Variants in SYNJ1 observed in about 807,000 individuals in gnomAD.
The protein encoded by SYNJ1 is polyphosphatidylinositol phosphatase SYNJ1.
A neutral mutation model predicts 168.2 loss-of-function variants in SYNJ1; 78 were observed. The observed-to-expected ratio is 0.46, with a 90% CI of 0.39 to 0.56. The LOEUF (loss-of-function observed/expected upper bound fraction) is 0.56. Among genes scored for constraint, SYNJ1 ranks in the 20% least tolerant of loss-of-function variants. The pLI, the probability that SYNJ1 is intolerant of heterozygous loss-of-function variation, is 0.00. For missense variants in SYNJ1, 1,303 were observed against 1,597.6 expected, an observed-to-expected ratio of 0.82 and a Z score of 3.14; for synonymous variants, 539 against 548.6, an observed-to-expected ratio of 0.98 and a Z score of 0.24.
At chr21:32,696,502 T>C (rs980695038) in intron 4 of SYNJ1, among the ~76,000 whole-genome samples, 5 of 152,128 alleles carry the variant, frequency 3.3e-5, no homozygotes, top group Non-Finnish European at 5.9e-5. Context: ...ACAGAACATA[T>C]AAAGAAGCTA....
At chr21:32,662,902 C>A (rs548568613) in intron 18 of SYNJ1, among the ~76,000 whole-genome samples, 6 of 152,192 alleles carry the variant, frequency 3.9e-5, no homozygotes, top group African/African-American at 1.4e-4. Flanking sequence ...AAAAGGGGAG[C>A]GTGTGACCTT....
chr21:32,704,271 C>T (rs923506336), intron 2 of SYNJ1, among the ~76,000 whole-genome samples: 2 of 152,158 alleles, frequency 1.3e-5, no homozygotes, highest in Non-Finnish European at 2.9e-5. Flanking sequence ...TTCGGACACT[C>T]AGGAAACAGG....
intron 2 of SYNJ1, among the ~76,000 whole-genome samples, chr21:32,710,463 A>T (rs2042786860): frequency 6.6e-6 from 1 of 152,198 alleles, no homozygotes; most frequent in African/African-American, 2.4e-5. Flanking sequence ...GGGATCAGAG[A>T]AGAACTTTTC....
chr21:32,642,279 G>T, intron 27 of SYNJ1, 146 bp from the exon 28 acceptor site: 1 of 807,090 alleles, frequency 1.2e-6, no homozygotes, highest in Non-Finnish European at 2.0e-6. Context: ...TTTGTATAAT[G>T]ATGAAGGGTA....
At chr21:32,657,689 T>C in intron 19 of SYNJ1, 27 bp downstream of exon 19, 4 of 1,568,028 alleles carry the variant, frequency 2.6e-6, no homozygotes, top group Non-Finnish European at 3.4e-6. Flanking sequence ...CATTAGTTCA[T>C]TTAAATAAAG....
chr21:32,639,549 C>T, intron 30 of SYNJ1, 122 bp downstream of exon 30: 2 of 745,014 alleles, frequency 2.7e-6, no homozygotes, highest in East Asian at 2.7e-5. Context: ...GTGCCATCAC[C>T]CCTGGCTAAT....
intron 2 of SYNJ1, among the ~76,000 whole-genome samples, chr21:32,720,964 T>C (rs2043198134): frequency 6.6e-6 from 1 of 152,260 alleles, no homozygotes. Context: ...GACTGACAGC[T>C]TGTCCTTCTC....
intron 13 of SYNJ1, among the ~76,000 whole-genome samples, chr21:32,675,218 C>CG (rs1569077531): frequency 3.3e-5 from 5 of 152,070 alleles, no homozygotes; most frequent in African/African-American, 1.2e-4. Context: ...AATAATTACA[C>CG]GGCTTAAAAT....
intron 31 of SYNJ1, among the ~76,000 whole-genome samples, chr21:32,636,808 A>C (rs898051917): frequency 1.3e-5 from 2 of 151,972 alleles, no homozygotes; most frequent in Non-Finnish European, 2.9e-5. Flanking sequence ...CAAGAAAGAA[A>C]AGTGTGTCTG....
chr21:32,644,313 A>G (rs2039972711), intron 26 of SYNJ1, among the ~76,000 whole-genome samples: 1 of 152,174 alleles, frequency 6.6e-6, no homozygotes, highest in Admixed American at 6.5e-5. Context: ...ACACACAGGC[A>G]AAGTCAGTCT....
intron 27 of SYNJ1, 122 bp downstream of exon 27, chr21:32,643,288 G>A (rs985305917): frequency 9.9e-7 from 1 of 1,006,052 alleles, no homozygotes; most frequent in African/African-American, 1.6e-5. Flanking sequence ...GGAAAGAGAA[G>A]TTTACAGCTG....
chr21:32,687,531 A>G (rs1474106684), intron 7 of SYNJ1, among the ~76,000 whole-genome samples: 1 of 152,232 alleles, frequency 6.6e-6, no homozygotes, highest in Non-Finnish European at 1.5e-5. Flanking sequence ...GCTTCTAACC[A>G]TTCCAGAAAC....
At chr21:32,713,122 G>A in intron 2 of SYNJ1, among the ~76,000 whole-genome samples, 1 of 152,150 alleles carries the variant, frequency 6.6e-6, no homozygotes. Flanking sequence ...CAACATGGAT[G>A]ATTTCCCATA....
At chr21:32,721,809 T>C (rs371892746) in intron 2 of SYNJ1, among the ~76,000 whole-genome samples, 2 of 152,242 alleles carry the variant, frequency 1.3e-5, no homozygotes, top group African/African-American at 2.4e-5. Context: ...TTATTTCCAA[T>C]AGGATTTGTC....
chr21:32,711,530 C>A (rs1025188318), intron 2 of SYNJ1, among the ~76,000 whole-genome samples: 1 of 152,070 alleles, frequency 6.6e-6, no homozygotes, highest in African/African-American at 2.4e-5. Context: ...ACGGGTTTCA[C>A]CATGTTGGCC....
chr21:32,643,004 T>C (rs888306817), intron 27 of SYNJ1, among the ~76,000 whole-genome samples: 1 of 152,232 alleles, frequency 6.6e-6, no homozygotes, highest in African/African-American at 2.4e-5. Flanking sequence ...CAAAATACTA[T>C]ATTCTTGGAT....
intron 2 of SYNJ1, among the ~76,000 whole-genome samples, chr21:32,718,953 C>T (rs1344430603): frequency 6.6e-6 from 1 of 152,066 alleles, no homozygotes; most frequent in African/African-American, 2.4e-5. Context: ...AATAGCCACA[C>T]AATATATGGT....
chr21:32,656,376 T>C lies in SYNJ1; in HGVS notation c.2795+311A>G, dbSNP rs537472396. Among the ~76,000 whole-genome samples, 7 of 152,208 alleles carry C rather than the reference T, an allele frequency of 4.6e-5. No individual in the cohort carries two copies. In the East Asian group the frequency reaches 9.7e-4, roughly 21 times the overall value. On this transcript the variant is annotated intron_variant, in intron 21 of 32. Transcript: ENST00000674351. ...GGAGAATTGCTTGAGCCTGGGTGGTTGGGGCTGCAGTGAGACATGAACACA... is the reference window on the plus strand; with the variant it reads ...GGAGAATTGCTTGAGCCTGGGTGGTCGGGGCTGCAGTGAGACATGAACACA...
chr21:32,719,975 C>T (rs1327815786), intron 2 of SYNJ1, among the ~76,000 whole-genome samples: 1 of 151,962 alleles, frequency 6.6e-6, no homozygotes, highest in Non-Finnish European at 1.5e-5. Flanking sequence ...CACAGTGGCT[C>T]ACACCTGTAA....
Sources: gnomAD v4.1 joint callset for allele counts (sites outside exome capture counted in the v4.1 genomes callset) on GRCh38, gnomAD v4.1.1 for gene constraint, MANE v1.5 for transcripts, NCBI Gene and HGNC (gene_info 2026-07-23, HGNC 2026-07-21) for gene names.